Variants in CDH12 observed in about 807,000 individuals in gnomAD.
CDH12 encodes cadherin-12.
Under a neutral mutation model 74.1 loss-of-function variants are expected in CDH12, and 41 were observed. That is an observed-to-expected ratio of 0.55 (90% confidence interval 0.43 to 0.72). CDH12 has a LOEUF of 0.72. Ranked by LOEUF, CDH12 falls within the 30% of genes least tolerant of loss-of-function variation. The pLI is 0.00. For synonymous variants in CDH12, 399 were observed against 355.0 expected, an observed-to-expected ratio of 1.12 and a Z score of -1.39; for missense variants, 945 against 977.2, an observed-to-expected ratio of 0.97 and a Z score of 0.44.
chr5:21,878,801 GAAGA>G (rs56312463), intron 6 of CDH12, among the ~76,000 whole-genome samples: 98,584 of 138,602 alleles, frequency 0.71, 38,555 homozygotes, highest in Non-Finnish European at 0.87. Flanking sequence ...AAGAAAGAAA[GAAGA>G]AAGAAAGAAA....
intron 1 of CDH12, among the ~76,000 whole-genome samples, chr5:22,565,204 GA>G: frequency 6.6e-6 from 1 of 152,262 alleles, no homozygotes; most frequent in South Asian, 2.1e-4. Context: ...AAAGTGCTGG[GA>G]TTATAGGCAT....
intron 6 of CDH12, among the ~76,000 whole-genome samples, chr5:21,960,942 C>A (rs1342070287): frequency 6.6e-6 from 1 of 152,026 alleles, no homozygotes; most frequent in Non-Finnish European, 1.5e-5. Context: ...ATTATTGAGA[C>A]TTATTTAATG....
chr5:22,400,453 T>C (rs1742681329), intron 3 of CDH12, among the ~76,000 whole-genome samples: 1 of 140,526 alleles, frequency 7.1e-6, no homozygotes, highest in African/African-American at 2.7e-5. Flanking sequence ...CTTGCAGAGA[T>C]TTTTTTTTAA....
chr5:21,762,391 A>C (rs1744774051), intron 12 of CDH12, among the ~76,000 whole-genome samples: 1 of 152,084 alleles, frequency 6.6e-6, no homozygotes, highest in Non-Finnish European at 1.5e-5. Flanking sequence ...AATGTAGATG[A>C]TAGATAGGTA....
intron 4 of CDH12, among the ~76,000 whole-genome samples, chr5:22,126,086 T>C (rs1745849355): frequency 6.6e-6 from 1 of 151,914 alleles, no homozygotes; most frequent in Non-Finnish European, 1.5e-5. Flanking sequence ...AACATACCAA[T>C]GCTTTTAATA....
intron 2 of CDH12, among the ~76,000 whole-genome samples, chr5:22,425,249 T>C (rs1291765980): frequency 6.7e-6 from 1 of 150,078 alleles, no homozygotes; most frequent in Non-Finnish European, 1.5e-5. Flanking sequence ...AATTCATTTT[T>C]ACTAACAATA....
chr5:22,240,831 C>G (rs1561248022), intron 3 of CDH12, among the ~76,000 whole-genome samples: 1 of 152,134 alleles, frequency 6.6e-6, no homozygotes, highest in Non-Finnish European at 1.5e-5. Context: ...ACCGCCGCAC[C>G]TGGCCGGATA....
chr5:22,217,935 T>C (rs1038669566), intron 3 of CDH12, among the ~76,000 whole-genome samples: 4 of 151,664 alleles, frequency 2.6e-5, no homozygotes, highest in African/African-American at 9.7e-5. Flanking sequence ...ATGAATTTCC[T>C]GTTCACTAAA....
At chr5:22,820,277 A>G (rs1262665708) in intron 1 of CDH12, among the ~76,000 whole-genome samples, 1 of 152,002 alleles carries the variant, frequency 6.6e-6, no homozygotes, top group East Asian at 1.9e-4. Flanking sequence ...GAAATGATAA[A>G]CAACACCGAT....
intron 5 of CDH12, among the ~76,000 whole-genome samples, chr5:21,996,586 G>C (rs1736315249): frequency 6.6e-6 from 1 of 152,008 alleles, no homozygotes; most frequent in Non-Finnish European, 1.5e-5. Context: ...CTCTGCCCAG[G>C]GTTCTTTCCA....
chr5:22,841,174 A>G (rs2126522427), intron 1 of CDH12, among the ~76,000 whole-genome samples: 1 of 152,332 alleles, frequency 6.6e-6, no homozygotes, highest in East Asian at 1.9e-4. Flanking sequence ...ATAAGCAATT[A>G]CTACTACGGG....
intron 1 of CDH12, among the ~76,000 whole-genome samples, chr5:22,843,159 A>T (rs1293436191): frequency 1.3e-5 from 2 of 152,096 alleles, no homozygotes; most frequent in Non-Finnish European, 1.5e-5. Flanking sequence ...TAGCTTTGTG[A>T]CTGGGAAGGA....
intron 1 of CDH12, among the ~76,000 whole-genome samples, chr5:22,582,567 C>T (rs1163008442): frequency 3.3e-5 from 5 of 152,294 alleles, no homozygotes; most frequent in Middle Eastern, 3.4e-3. Flanking sequence ...CTGAGAGCCT[C>T]CACTGCCCAA....
chr5:22,120,095 G>A (rs1348795506), intron 4 of CDH12, among the ~76,000 whole-genome samples: 1 of 152,084 alleles, frequency 6.6e-6, no homozygotes, highest in African/African-American at 2.4e-5. Flanking sequence ...ATTTCCTTCA[G>A]CTTTGTACAA....
chr5:22,460,713 ATTTTTT>A (rs3039460), intron 2 of CDH12, among the ~76,000 whole-genome samples: 11 of 85,622 alleles, frequency 1.3e-4, no homozygotes, highest in East Asian at 3.5e-4. Flanking sequence ...ATATCTAGCA[ATTTTTT>A]TTTTTTTTTT....
intron 1 of CDH12, among the ~76,000 whole-genome samples, chr5:22,744,731 G>A (rs1465911262): frequency 6.6e-6 from 1 of 151,846 alleles, no homozygotes; most frequent in Non-Finnish European, 1.5e-5. Context: ...TTTAACTTTT[G>A]CTTTTTTCAA....
At chr5:22,088,951 A>G (rs3924108) in intron 4 of CDH12, among the ~76,000 whole-genome samples, 52,821 of 151,712 alleles carry the variant, frequency 0.35, 11,070 homozygotes, top group African/African-American at 0.6. Flanking sequence ...GGGCTTAAAT[A>G]AAACTTCATA....
chr5:22,039,944 C>A (rs920915824), intron 5 of CDH12, among the ~76,000 whole-genome samples: 1 of 151,418 alleles, frequency 6.6e-6, no homozygotes, highest in Non-Finnish European at 1.5e-5. Flanking sequence ...CAAGAGAACA[C>A]AAGAACCCTC....
At chr5:22,708,964 C>A (rs2126971037) in intron 1 of CDH12, among the ~76,000 whole-genome samples, 1 of 152,254 alleles carries the variant, frequency 6.6e-6, no homozygotes, top group East Asian at 1.9e-4. Context: ...GGCTTGCACT[C>A]CTGACAGAAA....
Sources: gnomAD v4.1 joint callset for allele counts (sites outside exome capture counted in the v4.1 genomes callset) on GRCh38, gnomAD v4.1.1 for gene constraint, MANE v1.5 for transcripts, NCBI Gene and HGNC (gene_info 2026-07-23, HGNC 2026-07-21) for gene names.